Variants in ZNF469 observed in about 807,000 individuals in gnomAD.
ZNF469 encodes zinc finger protein 469.
A neutral mutation model predicts 1.0 loss-of-function variants in ZNF469; 1 was observed. That is an observed-to-expected ratio of 1.00 (90% CI 0.35 to 4.73). The LOEUF (loss-of-function observed/expected upper bound fraction) is 4.73. Among genes scored for constraint, ZNF469 ranks in the 30% most tolerant of loss-of-function variants. The probability of loss-of-function intolerance (pLI) is 0.16; values close to 1 mark genes in which losing one functional copy is unlikely to be tolerated. For synonymous variants in ZNF469, 2,703 were observed against 2,363.4 expected (o/e 1.14, Z -4.17); for missense variants, 6,100 against 5,356.3 (o/e 1.14, Z -4.33).
chr16:88,422,771 GAT>G (rs1905524826), intron 1 of ZNF469, among the ~76,000 whole-genome samples: 1 of 149,154 alleles, frequency 6.7e-6, no homozygotes, highest in South Asian at 2.2e-4. Context: ...TGGATGGATG[GAT>G]GGATGGTTGG....
chr16:88,380,970 A>G (rs117676286), upstream of ZNF469, among the ~76,000 whole-genome samples: 23,937 of 134,852 alleles, frequency 0.18, 2,630 homozygotes, highest in Middle Eastern at 0.25. Context: ...ACAGACATGC[A>G]CTCACACATA....
At chr16:88,211,856 G>A in the ZNF469 span, among the ~76,000 whole-genome samples, 1 of 152,146 alleles carries the variant, frequency 6.6e-6, no homozygotes, top group African/African-American at 2.4e-5. Flanking sequence ...GATGCAAGGG[G>A]CATGAAAATG....
At chr16:88,410,232 G>A (rs1050920694) in intron 1 of ZNF469, among the ~76,000 whole-genome samples, 7 of 148,434 alleles carry the variant, frequency 4.7e-5, no homozygotes, top group African/African-American at 1.8e-4. Context: ...TCACGGTGAC[G>A]TCTATGATGC....
chr16:88,130,716 A>G, the ZNF469 span, among the ~76,000 whole-genome samples: 1 of 151,852 alleles, frequency 6.6e-6, no homozygotes, highest in South Asian at 2.1e-4. Context: ...CAAAAAAAAA[A>G]AAAAAAAAAA....
the ZNF469 span, among the ~76,000 whole-genome samples, chr16:88,283,470 A>G: frequency 1.3e-5 from 2 of 152,250 alleles, no homozygotes; most frequent in African/African-American, 4.8e-5. Context: ...AATAGCAGGA[A>G]GAGTAAAACG....
At chr16:88,162,195 G>T in the ZNF469 span, among the ~76,000 whole-genome samples, 2 of 152,000 alleles carry the variant, frequency 1.3e-5, no homozygotes, top group Non-Finnish European at 2.9e-5. Flanking sequence ...AGCTTCCTGG[G>T]TCTCTTAGAC....
chr16:88,273,485 A>T, the ZNF469 span, among the ~76,000 whole-genome samples: 2 of 152,188 alleles, frequency 1.3e-5, no homozygotes, highest in African/African-American at 4.8e-5. Context: ...TAAAACACAA[A>T]GCTAAACCAG....
At chr16:88,128,723 C>G in the ZNF469 span, among the ~76,000 whole-genome samples, 1 of 152,236 alleles carries the variant, frequency 6.6e-6, no homozygotes, top group Non-Finnish European at 1.5e-5. Context: ...GTGGGTTCCC[C>G]AAGCTGCCTG....
the ZNF469 span, among the ~76,000 whole-genome samples, chr16:88,330,431 A>G: frequency 1.3e-5 from 2 of 152,226 alleles, no homozygotes; most frequent in African/African-American, 4.8e-5. Flanking sequence ...CTACCCTGAG[A>G]GCGGAGTGGG....
At chr16:88,324,968 A>C in the ZNF469 span, among the ~76,000 whole-genome samples, 1 of 152,158 alleles carries the variant, frequency 6.6e-6, no homozygotes, top group Non-Finnish European at 1.5e-5. Context: ...CAGGAAACTT[A>C]CAGTCATGGT....
chr16:88,220,149 A>T, the ZNF469 span, among the ~76,000 whole-genome samples: 241 of 151,974 alleles, frequency 1.6e-3, no homozygotes, highest in Non-Finnish European at 2.9e-3. Flanking sequence ...CCTCATTCCC[A>T]CCCAGAACCT....
rs767243686 is a variant in ZNF469, at chr16:88,435,930, C to A, written c.8460C>A (p.Gly2820=). The A allele has an allele frequency of 6.5e-7, 1 of 1,550,090 alleles. No individual in the cohort carries two copies. Among genetic ancestry groups the A allele is most frequent in the South Asian group, 1.2e-5 (1 of 84,064 alleles). ...GCACCACCAGCAGCTGCCTCCAGGG[C>A]CTCCCGGACAACCCAGACACCCAGG... is the stretch of plus-strand genomic sequence containing the variant. The part of the protein sequence containing the change: ...ADSTTSSCLQ[G]LPDNPDTQGG... The change falls in exon 3 of 3, where the codon GGC becomes GGA. Residue 2820 remains glycine (G), a synonymous_variant. Transcript: ENST00000565624.
chr16:88,184,224 C>T, the ZNF469 span, among the ~76,000 whole-genome samples: 1 of 152,074 alleles, frequency 6.6e-6, no homozygotes, highest in Non-Finnish European at 1.5e-5. Flanking sequence ...CAGGGAAGAC[C>T]GATCACCACA....
At chr16:88,174,063 G>C in the ZNF469 span, among the ~76,000 whole-genome samples, 43 of 152,202 alleles carry the variant, frequency 2.8e-4, no homozygotes, top group African/African-American at 9.6e-4. Flanking sequence ...GTAAGATACA[G>C]TAAAGAAGGA....
the ZNF469 span, among the ~76,000 whole-genome samples, chr16:88,131,362 C>T: frequency 1.4e-5 from 1 of 72,278 alleles, no homozygotes; most frequent in African/African-American, 7.5e-5. Context: ...TGCAGAGGGG[C>T]CGGCCTGTTT....
At chr16:88,218,679 C>G in the ZNF469 span, among the ~76,000 whole-genome samples, 5 of 150,592 alleles carry the variant, frequency 3.3e-5, no homozygotes, top group African/African-American at 7.3e-5. Context: ...TGGGCAAAAA[C>G]TGGAAGCATT....
the ZNF469 span, among the ~76,000 whole-genome samples, chr16:88,117,821 G>A: frequency 5.9e-5 from 9 of 152,266 alleles, no homozygotes; most frequent in Non-Finnish European, 1.3e-4. Context: ...TGTGAGGGAA[G>A]CTGTGTGAAG....
At chr16:88,311,314 C>T in the ZNF469 span, among the ~76,000 whole-genome samples, 1 of 152,104 alleles carries the variant, frequency 6.6e-6, no homozygotes, top group South Asian at 2.1e-4. Context: ...ACTGCAGGTC[C>T]CCAGGCTTTT....
Position 88,415,640 on chromosome 16 carries a change from C to G in ZNF469, c.-191-9167C>G, listed in dbSNP as rs146414447. On this transcript the variant is annotated intron_variant, in intron 1 of 2. Coordinates refer to ENST00000565624, the MANE Select transcript of ZNF469 (RefSeq NM_001367624.2). ...GATGTCTTCCAGGGGCAGGAGGACA[C>G]GGACCCAGCCTGCTCAGGAGCAGGG... Among the ~76,000 whole-genome samples the G allele has an allele frequency of 8.9e-4, 135 of 152,294 alleles. No individual in the cohort carries two copies. In the South Asian group the frequency reaches 0.012, roughly 14 times the overall value.
Sources: gnomAD v4.1 joint callset for allele counts (sites outside exome capture counted in the v4.1 genomes callset) on GRCh38, gnomAD v4.1.1 for gene constraint, MANE v1.5 for transcripts, NCBI Gene and HGNC (gene_info 2026-07-23, HGNC 2026-07-21) for gene names.